SLK: variants seen among roughly 807,000 people sequenced by gnomAD.
SLK encodes the protein STE20 like kinase, also known as STE20-like serine/threonine-protein kinase.
SLK carries 67 observed loss-of-function variants against 147.7 expected under a neutral mutation model. The ratio of observed to expected loss-of-function variants is 0.45; its 90% CI spans 0.37 to 0.56. The LOEUF (loss-of-function observed/expected upper bound fraction) is 0.56, where lower values mean the gene tolerates loss of function less well. SLK is among the 20% of genes least tolerant of loss of function. The pLI, the probability that SLK is intolerant of heterozygous loss-of-function variation, is 0.00. For missense variants in SLK, 1,136 were observed against 1,438.8 expected, an observed-to-expected ratio of 0.79 and a Z score of 3.41; for synonymous variants, 441 against 475.0, an observed-to-expected ratio of 0.93 and a Z score of 0.93.
Position 104,002,460 on chromosome 10 carries a change from C to G in SLK, c.1282C>G (p.Pro428Ala). The change falls in exon 9 of 19, where the codon CCC becomes GCC. Residue 428 changes from proline (P) to alanine (A), a missense_variant. Physicochemically the swap from Pro to Ala is conservative, Grantham distance 27 (BLOSUM62 -1). This residue lies in a region of SLK where 516 missense variants were observed against 531.3 expected (regional missense o/e 0.97). Coordinates refer to ENST00000369755, the MANE Select transcript of SLK (RefSeq NM_014720.4). ...VIKENEREKR[P>A]KLENLPDTED... ...CAAGGAGAATGAAAGAGAGAAGAGGCCCAAGCTTGAAAATCTGCCTGACAC... is the reference window on the plus strand; with the variant it reads ...CAAGGAGAATGAAAGAGAGAAGAGGGCCAAGCTTGAAAATCTGCCTGACAC... 2 of 1,613,800 alleles carry G rather than the reference C, an allele frequency of 1.2e-6. No homozygotes were observed. The highest frequency in any genetic ancestry group is 1.7e-6 in the Non-Finnish European group (2 of 1,179,970).
intron 1 of SLK, 66 bp from the exon 2 acceptor site, chr10:103,990,609 T>G: frequency 1.1e-6 from 1 of 939,888 alleles, no homozygotes; most frequent in Non-Finnish European, 1.5e-6. Flanking sequence ...TAAAATCTAT[T>G]AAAATAATAA....
chr10:103,996,400 C>CTTT (rs555751299), intron 4 of SLK, among the ~76,000 whole-genome samples: 8 of 106,438 alleles, frequency 7.5e-5, no homozygotes, highest in African/African-American at 1.4e-4. Flanking sequence ...TTTTTCTTTT[C>CTTT]TTTTTTTTTT....
chr10:103,986,351 G>A (rs1478954908), intron 1 of SLK, among the ~76,000 whole-genome samples: 2 of 152,112 alleles, frequency 1.3e-5, no homozygotes, highest in Admixed American at 1.3e-4. Context: ...CAGATCATCA[G>A]GCGTTAGATT....
At chr10:104,011,938 C>T (rs1317084223) in intron 13 of SLK, among the ~76,000 whole-genome samples, 1 of 152,134 alleles carries the variant, frequency 6.6e-6, no homozygotes, top group Non-Finnish European at 1.5e-5. Flanking sequence ...ACAAGTCTTT[C>T]ATATGAAGGA....
Position 103,967,914 on chromosome 10 carries a change from G to A in SLK, c.150+19G>A, listed in dbSNP as rs942948056. 6.2e-7 allele frequency: 1 copy of A among 1,611,984 alleles called. No individual in the cohort carries two copies. Among genetic ancestry groups the A allele is most frequent in the South Asian group, 1.1e-5 (1 of 90,918 alleles). On this transcript the variant is annotated intron_variant, in intron 1 of 18. Transcript: ENST00000369755. The stretch of plus-strand genomic sequence containing the variant: ...GTACAAGGTAAGAGGGGGAAAACGG[G>A]AAGTTGTACTGCGAAGGTAAAACAG...
intron 1 of SLK, among the ~76,000 whole-genome samples, chr10:103,971,069 T>G (rs1458888142): frequency 6.6e-6 from 1 of 152,188 alleles, no homozygotes; most frequent in Non-Finnish European, 1.5e-5. Flanking sequence ...TGAGTCATTC[T>G]TCCATCGTGT....
Position 104,018,851 on chromosome 10 carries a change from G to A in SLK, c.3075G>A (p.Gln1025=). The A allele has an allele frequency of 1.2e-6, 2 of 1,612,806 alleles. No homozygotes were observed. Among genetic ancestry groups the A allele is most frequent in the Non-Finnish European group, 1.7e-6 (2 of 1,179,644 alleles). The change falls in exon 15 of 19, where the codon CAG becomes CAA. Residue 1025 remains glutamine (Q), a synonymous_variant. Transcript: ENST00000369755. ...AAGAAAAACACCAGCTGCTCAAACAGCAGCTTAAAGATCAGTATTTCATGC... is the reference window on the plus strand; with the variant it reads ...AAGAAAAACACCAGCTGCTCAAACAACAGCTTAAAGATCAGTATTTCATGC... ...HLQEKHQLLK[Q]QLKDQYFMQR...
chr10:103,969,794 C>T lies in SLK; in HGVS notation c.150+1899C>T, dbSNP rs535434142. ...AAAACACTTAACTTCTCTGGACCTC[C>T]GTTTTCTTAGCCATAATATTAACTT... On this transcript the variant is annotated intron_variant, in intron 1 of 18. Transcript: ENST00000369755. 5.3e-5 allele frequency among the ~76,000 whole-genome samples: 8 copies of T among 152,256 alleles called. No homozygotes were observed. The South Asian group carries it at 8.3e-4, about 16-fold the overall frequency.
intron 13 of SLK, among the ~76,000 whole-genome samples, chr10:104,012,903 A>G (rs1247582022): frequency 1.3e-5 from 2 of 152,228 alleles, no homozygotes; most frequent in Non-Finnish European, 2.9e-5. Context: ...TTAATTCCAA[A>G]AGGCCATGTA....
Position 104,028,387 on chromosome 10 carries a change from A to G in SLK, c.*2667A>G, listed in dbSNP as rs988223021. The G allele has an allele frequency of 6.6e-6, 1 of 152,240 alleles. No homozygotes were observed. Among genetic ancestry groups the G allele is most frequent in the African/African-American group, 2.4e-5 (1 of 41,456 alleles). The allele number at this position is 152,240 out of a possible 1,614,324, so 9.4% of individuals were successfully genotyped here. ...CTAGGCTGCCTTTCCTAGTCCTGTC[A>G]ACAACCATACAGTGCGAATTGCTGA... On this transcript the variant is annotated 3_prime_UTR_variant, in exon 19 of 19. Transcript: ENST00000369755.
intron 4 of SLK, among the ~76,000 whole-genome samples, chr10:103,997,052 G>A (rs576989220): frequency 7.2e-5 from 11 of 152,112 alleles, no homozygotes; most frequent in Admixed American, 6.5e-4. Context: ...AGCAGTTAAA[G>A]TCTATACCCA....
chr10:104,001,058 CAAAAAAAAA>C (rs57046306), intron 7 of SLK, among the ~76,000 whole-genome samples: 9 of 71,006 alleles, frequency 1.3e-4, no homozygotes, highest in Admixed American at 1.8e-4. Flanking sequence ...GACTCCGTCT[CAAAAAAAAA>C]AAAAAAAAAA....
intron 1 of SLK, among the ~76,000 whole-genome samples, chr10:103,983,111 T>C (rs1418407283): frequency 6.6e-6 from 1 of 152,254 alleles, no homozygotes; most frequent in Non-Finnish European, 1.5e-5. Flanking sequence ...AATTCAGTGC[T>C]TGCAGTGATT....
Position 104,002,895 on chromosome 10 carries a change from G to T in SLK, c.1717G>T (p.Asp573Tyr). The T allele has an allele frequency of 6.2e-7, 1 of 1,614,164 alleles. No individual in the cohort carries two copies. The highest frequency in any genetic ancestry group is 8.5e-7 in the Non-Finnish European group (1 of 1,180,026). ...EDSAEDTQSN[D>Y]GKEVVEVGQK... ...CAGTGCTGAGGATACGCAGAGTAAT[G>T]ATGGGAAAGAAGTGGTCGAAGTAGG... The change falls in exon 9 of 19, where the codon GAT (aspartate) becomes TAT (tyrosine). Residue 573 changes from aspartate (D) to tyrosine (Y), a missense_variant. Asp to Tyr is a radical substitution (Grantham distance 160). Around this residue, in one of 6 missense-constraint regions of SLK, gnomAD observed 516 missense variants for 531.3 expected, o/e 0.97. Coordinates refer to ENST00000369755, the MANE Select transcript of SLK (RefSeq NM_014720.4).
chr10:103,990,803 G>T lies in SLK; in HGVS notation c.279G>T (p.Lys93Asn). 6.5e-7 allele frequency: 1 copy of T among 1,534,760 alleles called. No individual in the cohort carries two copies. The highest frequency in any genetic ancestry group is 2.5e-5 in the East Asian group (1 of 40,138). ...CTTGTGATCACCCAAATATAGTCAA[G>T]CTTCTAGATGCCTTCTATTATGAGA... ...LASCDHPNIV[K>N]LLDAFYYENN... Residue 93 changes from lysine (K) to asparagine (N), a missense_variant, in exon 2 of 19, where the codon AAG (lysine) becomes AAT (asparagine). Physicochemically the swap from Lys to Asn is moderately conservative, Grantham distance 94. Around this residue, in one of 6 missense-constraint regions of SLK, gnomAD observed 126 missense variants for 141.3 expected, o/e 0.89. Transcript: ENST00000369755.
chr10:103,967,815 G>C lies in SLK; in HGVS notation c.70G>C (p.Val24Leu), dbSNP rs1843736865. 6.2e-7 allele frequency: 1 copy of C among 1,614,022 alleles called. No homozygotes were observed. Among genetic ancestry groups the C allele is most frequent in the Admixed American group, 1.7e-5 (1 of 60,002 alleles). Residue 24 changes from valine to leucine, a missense_variant, in exon 1 of 19, where the codon GTG becomes CTG. Around this residue, in one of 6 missense-constraint regions of SLK, gnomAD observed 126 missense variants for 141.3 expected, o/e 0.89. Coordinates refer to ENST00000369755, the MANE Select transcript of SLK (RefSeq NM_014720.4). ...GAAGAAGAAGAAGCAGTACGAACAC[G>C]TGAAGAGGGACCTGAACCCCGAAGA... Reference protein sequence around the residue: ...SEKKKKQYEHVKRDLNPEDFW... With the variant: ...SEKKKKQYEHLKRDLNPEDFW...
intron 17 of SLK, among the ~76,000 whole-genome samples, 166 bp downstream of exon 17, chr10:104,020,779 A>G (rs769703077): frequency 6.6e-6 from 1 of 152,260 alleles, no homozygotes; most frequent in Non-Finnish European, 1.5e-5. Context: ...GTTTGGTATC[A>G]TAGGCACTTG....
At chr10:104,008,017 C>T (rs943254956) in intron 11 of SLK, among the ~76,000 whole-genome samples, 160 bp from the exon 12 acceptor site, 3 of 152,002 alleles carry the variant, frequency 2.0e-5, no homozygotes, top group African/African-American at 7.2e-5. Flanking sequence ...TGAGAATTTT[C>T]ATAACATATT....
At chr10:104,019,210 A>C (rs1589547122) in intron 15 of SLK, 1 of 259,728 alleles carries the variant, frequency 3.9e-6, no homozygotes, top group East Asian at 9.7e-5. Flanking sequence ...CAAGTATCTT[A>C]AAGTATGGAC....
Sources: gnomAD v4.1 joint callset for allele counts (sites outside exome capture counted in the v4.1 genomes callset) on GRCh38, gnomAD v4.1.1 for gene constraint, gnomAD v4.1.1 regional missense constraint, MANE v1.5 for transcripts, NCBI Gene and HGNC (gene_info 2026-07-23, HGNC 2026-07-21) for gene names.